The following RRAGB variants were observed in gnomAD, a reference collection of about 807,000 sequenced individuals.
RRAGB encodes the protein Ras related GTP binding B, also known as ras-related GTP-binding protein B.
In RRAGB, 6 loss-of-function variants were observed where a neutral mutation model predicts 29.3. That is an observed-to-expected ratio of 0.21 (90% CI 0.11 to 0.40). The LOEUF is 0.40. RRAGB is among the 10% of genes least tolerant of loss of function. The pLI, the probability that RRAGB is intolerant of heterozygous loss-of-function variation, is 1.00. For synonymous variants in RRAGB, 101 were observed against 92.5 expected, an observed-to-expected ratio of 1.09 and a Z score of -0.53; for missense variants, 184 against 272.9, an observed-to-expected ratio of 0.67 and a Z score of 2.29.
intron 9 of RRAGB, among the ~76,000 whole-genome samples, chrX:55,758,037 A>G (rs1014851664): frequency 1.8e-5 from 2 of 112,304 alleles, no homozygotes; most frequent in Non-Finnish European, 3.8e-5. Context: ...GATTTTGGAA[A>G]TTTATTTTGG....
intron 5 of RRAGB, among the ~76,000 whole-genome samples, chrX:55,750,319 GAC>G (rs1174777978): frequency 9.1e-6 from 1 of 109,597 alleles, no homozygotes; most frequent in East Asian, 2.8e-4. Context: ...AGGGCAGGCT[GAC>G]AGACTGGAGA....
intron 3 of RRAGB, among the ~76,000 whole-genome samples, chrX:55,728,711 G>A (rs1052650636): frequency 2.7e-5 from 3 of 111,227 alleles, no homozygotes; most frequent in Non-Finnish European, 5.7e-5. Flanking sequence ...AGCTATTGTA[G>A]TAGTGTAGAC....
intron 2 of RRAGB, among the ~76,000 whole-genome samples, chrX:55,719,830 G>T (rs1005654317): frequency 4.5e-5 from 5 of 112,237 alleles, no homozygotes; most frequent in Non-Finnish European, 1.9e-5. Flanking sequence ...ACCTTCCTTT[G>T]TGCTCTCATA....
intron 8 of RRAGB, among the ~76,000 whole-genome samples, chrX:55,756,187 C>T (rs181860917): frequency 9.9e-5 from 11 of 110,859 alleles, no homozygotes; most frequent in Admixed American, 7.7e-4. Context: ...ATACTATTTG[C>T]GAAGAAATAA....
chrX:55,756,703 C>T (rs1270974199), intron 8 of RRAGB, among the ~76,000 whole-genome samples: 1 of 112,424 alleles, frequency 8.9e-6, no homozygotes, highest in Non-Finnish European at 1.9e-5. Flanking sequence ...GAAATTTCAA[C>T]TTAAGATGCT....
chrX:55,724,507 C>G (rs944849647), intron 3 of RRAGB, among the ~76,000 whole-genome samples: 1 of 111,941 alleles, frequency 8.9e-6, no homozygotes, highest in African/African-American at 3.2e-5. Flanking sequence ...TCATCTAAGT[C>G]ATTGACCAAA....
At chrX:55,727,295 A>ATT (rs201525641) in intron 3 of RRAGB, 1 of 1,134,107 alleles carries the variant, frequency 8.8e-7, no homozygotes, top group Admixed American at 2.5e-5. Context: ...ACTTCTTTCC[A>ATT]TTTTTTTTTA....
intron 3 of RRAGB, among the ~76,000 whole-genome samples, chrX:55,726,624 G>A (rs181079307): frequency 3.4e-4 from 38 of 110,920 alleles, no homozygotes; most frequent in South Asian, 1.5e-3. Context: ...AGAGTCAGCC[G>A]GACTTTCTGG....
chrX:55,735,376 A>AT (rs1161049948), intron 5 of RRAGB, among the ~76,000 whole-genome samples: 3 of 111,894 alleles, frequency 2.7e-5, no homozygotes, highest in Non-Finnish European at 5.6e-5. Context: ...ATATAATGAC[A>AT]TTTTTTGTCT....
rs542846613 is a variant in RRAGB at position 55,740,322 on chromosome X, C to CA, written c.516+8749dup. Among the ~76,000 whole-genome samples the CA allele has an allele frequency of 3.2e-3, 294 of 92,319 alleles. 9 individuals carry two copies. In the South Asian group the frequency reaches 0.093, roughly 29 times the overall value. 80.2% of individuals were successfully genotyped at this position (92,319 alleles called of 115,157 possible). On this transcript the variant is annotated intron_variant, in intron 5 of 9. Coordinates refer to ENST00000374941, the MANE Select transcript of RRAGB (RefSeq NM_006064.5). Reference sequence around the variant, plus strand: ...TGGGCAAAAGAGCAAGACTCCATCTCAAAAAAAAAAAAATCATTGTGATTT... The same window carrying CA: ...TGGGCAAAAGAGCAAGACTCCATCTCAAAAAAAAAAAAAATCATTGTGATTT...
At chrX:55,749,294 G>A (rs1450045268) in intron 5 of RRAGB, among the ~76,000 whole-genome samples, 3 of 74,224 alleles carry the variant, frequency 4.0e-5, no homozygotes, top group South Asian at 9.1e-4. Context: ...CCGGCCAGCC[G>A]CCCCGTCCGG....
At chrX:55,748,850 G>A (rs1192866213) in intron 5 of RRAGB, among the ~76,000 whole-genome samples, 13 of 95,078 alleles carry the variant, frequency 1.4e-4, no homozygotes, top group South Asian at 5.2e-4. Context: ...CTGCCCAGCC[G>A]CCCCCACTGG....
chrX:55,755,991 A>G (rs2034648202), intron 8 of RRAGB, 59 bp downstream of exon 8: 1 of 809,280 alleles, frequency 1.2e-6, no homozygotes, highest in Non-Finnish European at 1.8e-6. Context: ...GTCATTTTTT[A>G]GAAGTTCAAA....
At chrX:55,757,078 G>C (rs2034675465) in intron 8 of RRAGB, 138 bp from the exon 9 acceptor site, 2 of 324,447 alleles carry the variant, frequency 6.2e-6, no homozygotes, top group Admixed American at 4.8e-5. Context: ...AGTAGAGTTA[G>C]TGATTAACAA....
chrX:55,748,662 C>G (rs2034357198), intron 5 of RRAGB, among the ~76,000 whole-genome samples: 2 of 109,474 alleles, frequency 1.8e-5, no homozygotes, highest in Admixed American at 1.9e-4. Flanking sequence ...TGAGGAGCCC[C>G]TCCGCCCAGC....
chrX:55,733,969 CTT>C (rs777841486), intron 5 of RRAGB, among the ~76,000 whole-genome samples: 1 of 99,327 alleles, frequency 1.0e-5, no homozygotes. Flanking sequence ...GTTTTTGTTT[CTT>C]TTTTTTTTTT....
rs1414162279 is a variant in RRAGB, at chrX:55,755,854, A to G, written c.749A>G (p.Tyr250Cys). Residue 250 changes from tyrosine (Y) to cysteine (C), a missense_variant, in exon 8 of 10, where the codon TAT becomes TGT. Coordinates refer to ENST00000374941, the MANE Select transcript of RRAGB (RefSeq NM_006064.5). ...TCTTTTTCATAGGTAATTTCTCACT[A>G]TCAGTGTAAAGAGCAGCGTGATGCC... ...ERATFLVISHYQCKEQRDAHR... is the reference protein window; with the variant it reads ...ERATFLVISHCQCKEQRDAHR... The G allele has an allele frequency of 2.5e-6, 3 of 1,203,037 alleles. No homozygotes were observed.
chrX:55,718,364 G>C lies in RRAGB; in HGVS notation c.37G>C (p.Glu13Gln). Residue 13 changes from glutamate (E) to glutamine (Q), a missense_variant, in exon 1 of 10, where the codon GAA becomes CAA. Coordinates refer to ENST00000374941, the MANE Select transcript of RRAGB (RefSeq NM_006064.5). ...TGACTCTGAGAAAACGACGGAGAAA[G>C]AAAATCTGGGGCCGAGAATGGATCC... ...ESDSEKTTEKENLGPRMDPPL... is the reference protein window; with the variant it reads ...ESDSEKTTEKQNLGPRMDPPL... 1 of 1,207,285 alleles carries C rather than the reference G, an allele frequency of 8.3e-7. No individual in the cohort carries two copies. The highest frequency in any genetic ancestry group is 1.1e-6 in the Non-Finnish European group (1 of 892,979).
intron 5 of RRAGB, among the ~76,000 whole-genome samples, chrX:55,735,225 C>G (rs1208086162): frequency 8.9e-6 from 1 of 111,940 alleles, no homozygotes; most frequent in African/African-American, 3.2e-5. Context: ...TGTTGTAGTC[C>G]TCCACTATAA....
Sources: gnomAD v4.1 joint callset for allele counts (sites outside exome capture counted in the v4.1 genomes callset) on GRCh38, gnomAD v4.1.1 for gene constraint, MANE v1.5 for transcripts, NCBI Gene and HGNC (gene_info 2026-07-23, HGNC 2026-07-21) for gene names.